TRIM33: variants seen among roughly 807,000 people sequenced by gnomAD.
TRIM33 encodes tripartite motif containing 33.
In TRIM33, 20 loss-of-function variants were observed where a neutral mutation model predicts 125.4. The ratio of observed to expected loss-of-function variants is 0.16; its 90% CI spans 0.11 to 0.23. TRIM33 has a LOEUF of 0.23. TRIM33 is among the 10% of genes least tolerant of loss of function. The pLI is 1.00. For missense variants in TRIM33, 920 were observed against 1,411.4 expected (o/e 0.65, Z 5.58); for synonymous variants, 564 against 513.9 (o/e 1.10, Z -1.32).
At chr1:114,410,145 T>A in intron 12 of TRIM33, 39 bp downstream of exon 12, 1 of 1,611,372 alleles carries the variant, frequency 6.2e-7, no homozygotes, top group Non-Finnish European at 8.5e-7. Flanking sequence ...ACTGTTTTTT[T>A]AAGGTGTTAA....
chr1:114,414,527 T>A (rs1283826405), intron 11 of TRIM33, among the ~76,000 whole-genome samples: 1 of 152,194 alleles, frequency 6.6e-6, no homozygotes, highest in Non-Finnish European at 1.5e-5. Context: ...TGATGACATC[T>A]CCCTACTAAC....
At chr1:114,495,840 C>A (rs754731096) in intron 1 of TRIM33, among the ~76,000 whole-genome samples, 1 of 152,304 alleles carries the variant, frequency 6.6e-6, no homozygotes, top group Non-Finnish European at 1.5e-5. Context: ...ATGACTAATT[C>A]TTTTGAACCA....
chr1:114,492,417 T>C (rs961004621), intron 1 of TRIM33, among the ~76,000 whole-genome samples: 1 of 152,236 alleles, frequency 6.6e-6, no homozygotes, highest in Non-Finnish European at 1.5e-5. Flanking sequence ...TATACAACTA[T>C]CAGGTATGTT....
intron 6 of TRIM33, among the ~76,000 whole-genome samples, chr1:114,428,765 A>G (rs1647749801): frequency 6.6e-6 from 1 of 152,206 alleles, no homozygotes; most frequent in Non-Finnish European, 1.5e-5. Context: ...ATAAGAACAT[A>G]TTACACTAGA....
At chr1:114,465,264 T>C (rs866413967) in intron 1 of TRIM33, among the ~76,000 whole-genome samples, 10 of 152,082 alleles carry the variant, frequency 6.6e-5, no homozygotes, top group Non-Finnish European at 1.3e-4. Context: ...TAACTGAAAA[T>C]AGCACCAGAG....
chr1:114,458,000 G>A (rs537735389), intron 4 of TRIM33, among the ~76,000 whole-genome samples: 28 of 152,222 alleles, frequency 1.8e-4, no homozygotes, highest in Non-Finnish European at 3.4e-4. Context: ...ATAACAGTGA[G>A]AGAAATCTAA....
At chr1:114,445,114 A>T (rs1648895539) in intron 4 of TRIM33, among the ~76,000 whole-genome samples, 1 of 152,250 alleles carries the variant, frequency 6.6e-6, no homozygotes, top group South Asian at 2.1e-4. Context: ...ATCAATAAAA[A>T]GTATCCAGTG....
chr1:114,404,334 T>TG (rs1440833986), intron 15 of TRIM33: 2 of 150,884 alleles, frequency 1.3e-5, no homozygotes, highest in African/African-American at 4.9e-5. Context: ...TTAGTAGAGA[T>TG]GGGGTTTTGC....
intron 16 of TRIM33, among the ~76,000 whole-genome samples, chr1:114,401,940 A>T (rs1651920661): frequency 6.6e-6 from 1 of 152,174 alleles, no homozygotes; most frequent in South Asian, 2.1e-4. Flanking sequence ...TCATGAGTAA[A>T]CTGAAATGCA....
In TRIM33 at chr1:114,393,573, T is replaced by C. The variant is rs182570692; in HGVS notation, c.*4075A>G. On this transcript the variant is annotated 3_prime_UTR_variant, in exon 20 of 20. Transcript: ENST00000358465. ...TATTTTTGAAGATAGTTTTGTTTCT[T>C]CGATACAATAAAAAATATATAAAGG... The C allele has an allele frequency of 1.6e-4, 34 of 206,292 alleles. No individual in the cohort carries two copies. The East Asian group carries it at 2.4e-3, about 15-fold the overall frequency. 12.8% of individuals were successfully genotyped at this position (206,292 alleles called of 1,614,324 possible). A position where few individuals can be genotyped will look rare whatever the true frequency, so the allele number is the denominator to read the frequency against.
chr1:114,416,516 T>G (rs930734165), intron 11 of TRIM33, among the ~76,000 whole-genome samples: 1 of 152,236 alleles, frequency 6.6e-6, no homozygotes, highest in Non-Finnish European at 1.5e-5. Context: ...CTATTTTGTA[T>G]AACAACTCAC....
chr1:114,455,589 A>C (rs970568742), intron 4 of TRIM33, among the ~76,000 whole-genome samples: 4 of 152,210 alleles, frequency 2.6e-5, no homozygotes, highest in African/African-American at 4.8e-5. Flanking sequence ...AGGTCAAGGA[A>C]TTTATCCCAG....
At chr1:114,502,164 G>T (rs1381099704) in intron 1 of TRIM33, among the ~76,000 whole-genome samples, 2 of 152,106 alleles carry the variant, frequency 1.3e-5, no homozygotes, top group Non-Finnish European at 2.9e-5. Context: ...TTTACTAAAG[G>T]GAGGCTTTTT....
chr1:114,474,873 C>T (rs1277100443), intron 1 of TRIM33, among the ~76,000 whole-genome samples: 2 of 149,178 alleles, frequency 1.3e-5, no homozygotes, highest in Admixed American at 6.7e-5. Flanking sequence ...GCCTGGGCAA[C>T]AGAAGCGAAA....
chr1:114,462,665 C>A (rs1324496257), intron 4 of TRIM33, among the ~76,000 whole-genome samples: 1 of 152,128 alleles, frequency 6.6e-6, no homozygotes, highest in African/African-American at 2.4e-5. Context: ...ATTAGAGGGT[C>A]AGTAACTCTG....
Position 114,396,567 on chromosome 1 carries a change from T to C in TRIM33, c.*1081A>G, listed in dbSNP as rs948110858. On this transcript the variant is annotated 3_prime_UTR_variant, in exon 20 of 20. Coordinates refer to ENST00000358465, the MANE Select transcript of TRIM33 (RefSeq NM_015906.4). ...GAACATTAGAAATAGACAGCATATA[T>C]TACAAATCCATTCTTGATAGGAACA... 3.5e-5 allele frequency: 7 copies of C among 199,074 alleles called. No individual in the cohort carries two copies. The highest frequency in any genetic ancestry group is 1.6e-4 in the African/African-American group (7 of 43,466). 12.3% of individuals were successfully genotyped at this position (199,074 alleles called of 1,614,324 possible).
In TRIM33 at chr1:114,465,177, C is replaced by T. The variant is rs962755074; in HGVS notation, c.527-789G>A. On this transcript the variant is annotated intron_variant, in intron 1 of 19. Transcript: ENST00000358465. ...TACATGCTAATATGAGAAGAAAGAT[C>T]ATCTGTCCCTTCACCTGCTAGTGTT... is the stretch of plus-strand genomic sequence containing the variant. 1.1e-4 allele frequency among the ~76,000 whole-genome samples: 16 copies of T among 152,288 alleles called. 1 individual carries two copies. In the East Asian group the frequency reaches 2.9e-3, roughly 27 times the overall value.
At position 114,452,986 on chromosome 1, in the gene TRIM33, G is replaced by A. The variant is rs955863736; in HGVS notation, c.923+10118C>T. Among the ~76,000 whole-genome samples, 136 of 152,074 alleles carry A rather than the reference G, an allele frequency of 8.9e-4. 2 individuals carry two copies. Among genetic ancestry groups the A allele is most frequent in the Non-Finnish European group, 3.7e-4 (25 of 68,004 alleles). Reference sequence around the variant, plus strand: ...AGAAATTGAGATTCTTAAAGAACTCGCCCTAAAAGTCCTTAAGTCCAGAGC... The same window carrying A: ...AGAAATTGAGATTCTTAAAGAACTCACCCTAAAAGTCCTTAAGTCCAGAGC... On this transcript the variant is annotated intron_variant, in intron 4 of 19. Coordinates refer to ENST00000358465, the MANE Select transcript of TRIM33 (RefSeq NM_015906.4).
chr1:114,435,877 CTTTTTTTTTTTTTTTT>C (rs34327766), intron 4 of TRIM33, among the ~76,000 whole-genome samples: 7 of 73,326 alleles, frequency 9.5e-5, no homozygotes, highest in African/African-American at 2.6e-4. Flanking sequence ...TAGACACCCG[CTTTTTTTTTTTTTTTT>C]TTTTTTTTTT....
Sources: gnomAD v4.1 joint callset for allele counts (sites outside exome capture counted in the v4.1 genomes callset) on GRCh38, gnomAD v4.1.1 for gene constraint, MANE v1.5 for transcripts, NCBI Gene and HGNC (gene_info 2026-07-23, HGNC 2026-07-21) for gene names.